Variants in VCPIP1 observed in about 807,000 individuals in gnomAD.
VCPIP1 encodes deubiquitinating protein VCPIP1.
Under a neutral mutation model 85.0 loss-of-function variants are expected in VCPIP1, and 8 were observed. The observed-to-expected ratio is 0.09, with a 90% CI of 0.06 to 0.17. The LOEUF is 0.17. Among genes scored for constraint, VCPIP1 ranks in the 10% least tolerant of loss-of-function variants. The probability of loss-of-function intolerance (pLI) is 1.00; values close to 1 mark genes in which losing one functional copy is unlikely to be tolerated. For missense variants in VCPIP1, 1,070 were observed against 1,486.3 expected, an observed-to-expected ratio of 0.72 and a Z score of 4.61; for synonymous variants, 543 against 544.5, an observed-to-expected ratio of 1.00 and a Z score of 0.04.
chr8:66,651,350 C>T (rs1197734384), intron 2 of VCPIP1, 108 bp downstream of exon 2: 2 of 860,528 alleles, frequency 2.3e-6, no homozygotes, highest in African/African-American at 3.5e-5. Flanking sequence ...GAATATAAAC[C>T]TAAAATTAAC....
chr8:66,645,006 G>T lies in VCPIP1; in HGVS notation c.2797+6452C>A, dbSNP rs148312505. On this transcript the variant is annotated intron_variant, in intron 2 of 2. Transcript: ENST00000310421. ...CCCAGCTACTTGGGAGGCTGAGGCT[G>T]GAGAATCGCTTGAGCCCAGTTGGTG... 3.1e-3 allele frequency among the ~76,000 whole-genome samples: 469 copies of T among 151,950 alleles called. 2 individuals are homozygous for T. The highest frequency in any genetic ancestry group is 5.4e-3 in the Non-Finnish European group (369 of 67,944).
Position 66,634,419 on chromosome 8 carries a change from T to C in VCPIP1, c.*82A>G. 9 of 1,448,632 alleles carry C rather than the reference T, an allele frequency of 6.2e-6. No homozygotes were observed. In the South Asian group the frequency reaches 8.3e-5, roughly 13 times the overall value. 89.7% of individuals were successfully genotyped at this position (1,448,632 alleles called of 1,614,324 possible). A position where few individuals can be genotyped will look rare whatever the true frequency, so the allele number is the denominator to read the frequency against. On this transcript the variant is annotated 3_prime_UTR_variant, in exon 3 of 3. Coordinates refer to ENST00000310421, the MANE Select transcript of VCPIP1 (RefSeq NM_025054.5). ...AATTATATACGTACAAGATTTTTAATGACTAATCAAGTTACGTGGCCCAGC... is the reference window on the plus strand; with the variant it reads ...AATTATATACGTACAAGATTTTTAACGACTAATCAAGTTACGTGGCCCAGC...
In VCPIP1 at chr8:66,657,555, C is replaced by T. The variant is rs545131295; in HGVS notation, c.2711-6011G>A. Among the ~76,000 whole-genome samples the T allele has an allele frequency of 3.9e-5, 6 of 152,282 alleles. No individual in the cohort carries two copies. In the East Asian group the frequency reaches 7.7e-4, roughly 20 times the overall value. On this transcript the variant is annotated intron_variant, in intron 1 of 2. Transcript: ENST00000310421. ...CTTGCCTGAAATTCAGTCCCCTTAA[C>T]GGTATATAGTCACACAACTTTAGTG...
chr8:66,638,686 G>A (rs564648653), intron 2 of VCPIP1, among the ~76,000 whole-genome samples: 2 of 152,024 alleles, frequency 1.3e-5, no homozygotes, highest in East Asian at 3.9e-4. Flanking sequence ...GGCTGAGGCA[G>A]GAGAATGGTG....
chr8:66,651,941 G>A (rs959690181), intron 1 of VCPIP1, among the ~76,000 whole-genome samples: 1 of 151,704 alleles, frequency 6.6e-6, no homozygotes, highest in African/African-American at 2.4e-5. Flanking sequence ...GTACTTTGGG[G>A]GTCTGTGGAT....
chr8:66,664,460 C>T lies in VCPIP1; in HGVS notation c.2499G>A (p.Met833Ile). ...GCTGTAAAGGAACTGGTTCCTTTTC[C>T]ATTCCTGCCTGTGGTGGCATTAACT... Reference protein sequence around the residue: ...PKELMPPQAGMEKEPVPLQHG... With the variant: ...PKELMPPQAGIEKEPVPLQHG... The change falls in exon 1 of 3, where the codon ATG becomes ATA. Residue 833 changes from methionine (M) to isoleucine (I), a missense_variant. Physicochemically the swap from Met to Ile is conservative, Grantham distance 10 (BLOSUM62 1). Transcript: ENST00000310421. 1 of 1,613,742 alleles carries T rather than the reference C, an allele frequency of 6.2e-7. No homozygotes were observed. The highest frequency in any genetic ancestry group is 8.5e-7 in the Non-Finnish European group (1 of 1,179,718).
In VCPIP1 at chr8:66,667,212, G is replaced by C. The variant is rs560113969; in HGVS notation, c.-254C>G. On this transcript the variant is annotated 5_prime_UTR_variant, in exon 1 of 3. Transcript: ENST00000310421. ...CCCGCACTCACACTCACTCACTCTC[G>C]CTCTCTCTCCCTCAGACACAGACAT... The C allele has an allele frequency of 1.5e-5, 10 of 661,002 alleles. No individual in the cohort carries two copies. The highest frequency in any genetic ancestry group is 2.1e-5 in the Non-Finnish European group (9 of 425,958). The allele number at this position is 661,002 out of a possible 1,614,324, so 40.9% of individuals were successfully genotyped here. A position where few individuals can be genotyped will look rare whatever the true frequency, so the allele number is the denominator to read the frequency against.
At chr8:66,638,176 G>A (rs965586550) in intron 2 of VCPIP1, among the ~76,000 whole-genome samples, 2 of 152,042 alleles carry the variant, frequency 1.3e-5, no homozygotes, top group Non-Finnish European at 2.9e-5. Context: ...CAATACAGAT[G>A]TATCTGAAAA....
chr8:66,662,799 A>G (rs1811170211), intron 1 of VCPIP1, among the ~76,000 whole-genome samples: 1 of 151,792 alleles, frequency 6.6e-6, no homozygotes, highest in Non-Finnish European at 1.5e-5. Flanking sequence ...CTCCTGCCTC[A>G]GCCTCCAGAG....
At chr8:66,662,915 G>C (rs951724272) in intron 1 of VCPIP1, among the ~76,000 whole-genome samples, 1 of 151,924 alleles carries the variant, frequency 6.6e-6, no homozygotes, top group African/African-American at 2.4e-5. Flanking sequence ...GACCATCCTG[G>C]TCAACAAGTT....
At chr8:66,639,858 G>GGATGAT (rs1045668491) in intron 2 of VCPIP1, among the ~76,000 whole-genome samples, 1 of 151,894 alleles carries the variant, frequency 6.6e-6, no homozygotes, top group Admixed American at 6.6e-5. Flanking sequence ...TTTGACCACA[G>GGATGAT]GATGATGATG....
Position 66,630,511 on chromosome 8 carries a change from G to T in VCPIP1, c.*3990C>A, listed in dbSNP as rs1322849115. 2 of 152,488 alleles carry T rather than the reference G, an allele frequency of 1.3e-5. No homozygotes were observed. The highest frequency in any genetic ancestry group is 4.8e-5 in the African/African-American group (2 of 41,402). The allele number at this position is 152,488 out of a possible 1,614,324, so 9.4% of individuals were successfully genotyped here. A position where few individuals can be genotyped will look rare whatever the true frequency, so the allele number is the denominator to read the frequency against. On this transcript the variant is annotated 3_prime_UTR_variant, in exon 3 of 3. Coordinates refer to ENST00000310421, the MANE Select transcript of VCPIP1 (RefSeq NM_025054.5). The stretch of plus-strand genomic sequence containing the variant: ...ATTTCTGCATTCTAAAGAAAAGTAG[G>T]CAATACCTTAAAAATTTAAAAACTA...
intron 1 of VCPIP1, among the ~76,000 whole-genome samples, chr8:66,659,348 T>C (rs999765250): frequency 2.0e-5 from 3 of 152,090 alleles, no homozygotes; most frequent in African/African-American, 7.2e-5. Context: ...AAGTATTATA[T>C]AAATAATGAA....
chr8:66,644,811 T>A (rs554537165), intron 2 of VCPIP1, among the ~76,000 whole-genome samples: 2,899 of 146,270 alleles, frequency 0.02, 111 homozygotes, highest in African/African-American at 0.073. Context: ...AAAAAAAAAA[T>A]TTTAGGCCAG....
chr8:66,638,970 C>CTCTCTCTCTATATATATA, intron 2 of VCPIP1, among the ~76,000 whole-genome samples: 3 of 118,418 alleles, frequency 2.5e-5, no homozygotes, highest in African/African-American at 1.2e-4. Flanking sequence ...CTCTCTCTCT[C>CTCTCTCTCTATATATATA]TATATATATA....
intron 2 of VCPIP1, among the ~76,000 whole-genome samples, chr8:66,638,966 C>CTATATATATATATATATA (rs1352372228): frequency 2.3e-5 from 3 of 130,950 alleles, no homozygotes; most frequent in Admixed American, 7.4e-5. Context: ...CTCTCTCTCT[C>CTATATATATATATATATA]TCTCTATATA....
chr8:66,651,995 G>A (rs754408378), intron 1 of VCPIP1, among the ~76,000 whole-genome samples: 11 of 137,324 alleles, frequency 8.0e-5, no homozygotes, highest in South Asian at 2.3e-4. Context: ...GCAACATGGC[G>A]AAACTCTATC....
In VCPIP1 at chr8:66,666,269, G is replaced by T. The variant is rs775349044; in HGVS notation, c.690C>A (p.Gly230=). The T allele has an allele frequency of 5.0e-6, 8 of 1,613,880 alleles. No individual in the cohort carries two copies. The African/African-American group carries it at 8.0e-5, about 16-fold the overall frequency. The change falls in exon 1 of 3, where the codon GGC becomes GGA. Residue 230 remains glycine (G), a synonymous_variant. Transcript: ENST00000310421. The surrounding 1 kb of genome is among the most constrained non-coding windows in gnomAD (Gnocchi z 6.3). The stretch of plus-strand genomic sequence containing the variant: ...TTAAGGCATGCCAGAAGAGCTCTCG[G>T]CCTACTAGAGCCCGAGACACAGCAT... ...LVHAVSRALV[G]RELFWHALRE...
At position 66,634,977 on chromosome 8, in the gene VCPIP1, T is replaced by A. The variant is rs773618779; in HGVS notation, c.3193A>T (p.Thr1065Ser). ...GTGAATACAGAAGGCTCTGTTTTAGTGGAACTATTACTAAAGTCTGTCCCT... is the reference window on the plus strand; with the variant it reads ...GTGAATACAGAAGGCTCTGTTTTAGAGGAACTATTACTAAAGTCTGTCCCT... ...NTGTDFSNSS[T>S]KTEPSVFTAS... Residue 1065 changes from threonine to serine, a missense_variant, in exon 3 of 3, where the codon ACT becomes TCT. Physicochemically the swap from Thr to Ser is moderately conservative, Grantham distance 58 (BLOSUM62 1). Around this residue, in one of 8 missense-constraint regions of VCPIP1, gnomAD observed 255 missense variants for 289.5 expected, o/e 0.88. Transcript: ENST00000310421. 1 of 1,613,522 alleles carries A rather than the reference T, an allele frequency of 6.2e-7. No homozygotes were observed. The highest frequency in any genetic ancestry group is 8.5e-7 in the Non-Finnish European group (1 of 1,179,502).
Sources: gnomAD v4.1 joint callset for allele counts (sites outside exome capture counted in the v4.1 genomes callset) on GRCh38, gnomAD v4.1.1 for gene constraint, gnomAD v4.1.1 regional missense constraint, Gnocchi (gnomAD v3.1) non-coding constraint, MANE v1.5 for transcripts, NCBI Gene and HGNC (gene_info 2026-07-23, HGNC 2026-07-21) for gene names.